The following STPG2 variants were observed in gnomAD, a reference collection of about 807,000 sequenced individuals.
STPG2 encodes sperm-tail PG-rich repeat-containing protein 2.
STPG2 carries 56 observed loss-of-function variants against 54.2 expected under a neutral mutation model. The observed-to-expected ratio is 1.03, with a 90% CI of 0.83 to 1.29. STPG2 has a LOEUF of 1.29. Ranked by LOEUF, STPG2 falls within the 50% of genes most tolerant of loss-of-function variation. The pLI is 0.00. For synonymous variants in STPG2, 200 were observed against 181.8 expected, an observed-to-expected ratio of 1.10 and a Z score of -0.81; for missense variants, 596 against 544.9, an observed-to-expected ratio of 1.09 and a Z score of -0.93.
intron 9 of STPG2, among the ~76,000 whole-genome samples, chr4:97,832,737 T>A (rs1459219350): frequency 6.6e-6 from 1 of 152,066 alleles, no homozygotes; most frequent in Non-Finnish European, 1.5e-5. Context: ...CAGAGCCAAA[T>A]CATGAGTGAA....
At chr4:97,915,257 G>T (rs1343973489) in intron 8 of STPG2, among the ~76,000 whole-genome samples, 1 of 152,150 alleles carries the variant, frequency 6.6e-6, no homozygotes, top group Non-Finnish European at 1.5e-5. Flanking sequence ...TGGGAAAAGA[G>T]AAGAAAAGGA....
chr4:97,508,049 C>T (rs1421365297), intron 4 of STPG2, among the ~76,000 whole-genome samples: 1 of 151,942 alleles, frequency 6.6e-6, no homozygotes, highest in Admixed American at 6.6e-5. Flanking sequence ...ATGACCTGTC[C>T]CCATGTTGAA....
intron 10 of STPG2, among the ~76,000 whole-genome samples, chr4:97,582,075 T>C (rs1732875996): frequency 6.6e-6 from 1 of 152,036 alleles, no homozygotes; most frequent in African/African-American, 2.4e-5. Context: ...GCCAAGCATC[T>C]GCAGCTACAT....
intron 5 of STPG2, among the ~76,000 whole-genome samples, chr4:98,014,589 G>A (rs552802995): frequency 6.6e-6 from 1 of 152,234 alleles, no homozygotes; most frequent in East Asian, 1.9e-4. Flanking sequence ...TTAACAAATT[G>A]TTGTAGCTAT....
intron 9 of STPG2, among the ~76,000 whole-genome samples, chr4:97,756,196 G>T (rs765053606): frequency 6.6e-6 from 1 of 151,870 alleles, no homozygotes; most frequent in Non-Finnish European, 1.5e-5. Flanking sequence ...CTTCTACCTT[G>T]GTACATTATG....
intron 5 of STPG2, among the ~76,000 whole-genome samples, chr4:98,095,181 A>G (rs1431207231): frequency 3.9e-5 from 6 of 152,166 alleles, no homozygotes; most frequent in Non-Finnish European, 7.3e-5. Context: ...AACATACAAC[A>G]TATAAGCAAA....
At chr4:97,530,354 T>C (rs1370905865) in intron 4 of STPG2, among the ~76,000 whole-genome samples, 1 of 152,232 alleles carries the variant, frequency 6.6e-6, no homozygotes, top group African/African-American at 2.4e-5. Context: ...GGTTATGCTG[T>C]ACTGTGTAAA....
chr4:97,944,313 T>C (rs536164668), intron 7 of STPG2, among the ~76,000 whole-genome samples: 2 of 152,016 alleles, frequency 1.3e-5, no homozygotes, highest in Admixed American at 1.3e-4. Flanking sequence ...CTCAATAATA[T>C]ATTAGTATAA....
intron 8 of STPG2, among the ~76,000 whole-genome samples, chr4:97,857,698 G>T (rs1729378053): frequency 6.6e-6 from 1 of 151,476 alleles, no homozygotes. Flanking sequence ...ACAAAACAAG[G>T]CACAAGAGAC....
intron 8 of STPG2, among the ~76,000 whole-genome samples, chr4:97,907,466 C>T (rs1223911448): frequency 5.3e-5 from 8 of 152,052 alleles, no homozygotes; most frequent in Non-Finnish European, 1.2e-4. Flanking sequence ...AGATTCAATG[C>T]CATCCCCATC....
chr4:97,672,843 C>G (rs528511447), intron 10 of STPG2, among the ~76,000 whole-genome samples: 1 of 152,204 alleles, frequency 6.6e-6, no homozygotes, highest in South Asian at 2.1e-4. Flanking sequence ...GTAAAATTCA[C>G]ATTAAAATCC....
chr4:97,860,588 T>A (rs2149140239), intron 8 of STPG2, among the ~76,000 whole-genome samples: 1 of 152,098 alleles, frequency 6.6e-6, no homozygotes, highest in Admixed American at 6.6e-5. Flanking sequence ...TGGTCACTGT[T>A]GATGTAGAGC....
intron 1 of STPG2, among the ~76,000 whole-genome samples, chr4:98,138,950 C>T (rs926223078): frequency 2.6e-5 from 4 of 152,010 alleles, no homozygotes; most frequent in Admixed American, 1.3e-4. Flanking sequence ...CTCCTTGGCA[C>T]GATAATGCCA....
chr4:97,887,416 T>C (rs555531628), intron 8 of STPG2, among the ~76,000 whole-genome samples: 3 of 152,328 alleles, frequency 2.0e-5, no homozygotes, highest in African/African-American at 7.2e-5. Context: ...ACTTTCGTTA[T>C]GCCTTAGAAA....
At chr4:97,665,672 C>G (rs1485773717) in intron 10 of STPG2, among the ~76,000 whole-genome samples, 2 of 152,184 alleles carry the variant, frequency 1.3e-5, no homozygotes, top group African/African-American at 4.8e-5. Context: ...CACCCTTTTC[C>G]AGCCAGGGCC....
At chr4:97,781,646 C>A (rs1290230148) in intron 9 of STPG2, among the ~76,000 whole-genome samples, 1 of 152,120 alleles carries the variant, frequency 6.6e-6, no homozygotes, top group African/African-American at 2.4e-5. Context: ...GAATTTTAGA[C>A]CAATATCCCT....
At chr4:97,914,310 A>G (rs577961672) in intron 8 of STPG2, among the ~76,000 whole-genome samples, 1 of 152,208 alleles carries the variant, frequency 6.6e-6, no homozygotes, top group Non-Finnish European at 1.5e-5. Flanking sequence ...ATAGTGGTCC[A>G]CCATCACTGT....
intron 10 of STPG2, among the ~76,000 whole-genome samples, chr4:97,700,273 C>T (rs1188160630): frequency 6.6e-6 from 1 of 152,156 alleles, no homozygotes; most frequent in Non-Finnish European, 1.5e-5. Flanking sequence ...TGTACAGTAG[C>T]CTGGACCTGT....
chr4:97,568,251 C>T lies in STPG2; in HGVS notation c.1321-9134G>A, dbSNP rs572983666. 3.3e-5 allele frequency among the ~76,000 whole-genome samples: 5 copies of T among 152,234 alleles called. No homozygotes were observed. The East Asian group carries it at 9.6e-4, about 29-fold the overall frequency. On this transcript the variant is annotated intron_variant, in intron 10 of 10. Coordinates refer to ENST00000295268, the MANE Select transcript of STPG2 (RefSeq NM_174952.3). ...GGTTGTTTTTTCTTTTTCTTTTTCA[C>T]AGATATATTGGGTATTACCATCCTG...
Sources: gnomAD v4.1 joint callset for allele counts (sites outside exome capture counted in the v4.1 genomes callset) on GRCh38, gnomAD v4.1.1 for gene constraint, MANE v1.5 for transcripts, NCBI Gene and HGNC (gene_info 2026-07-23, HGNC 2026-07-21) for gene names.